CPSF2: variants seen among roughly 807,000 people sequenced by gnomAD.
The protein encoded by CPSF2 is cleavage and polyadenylation specificity factor subunit 2.
Under a neutral mutation model 84.2 loss-of-function variants are expected in CPSF2, and 51 were observed. That is an observed-to-expected ratio of 0.61 (90% CI 0.48 to 0.77). CPSF2 has a LOEUF of 0.77. Ranked by LOEUF, CPSF2 falls within the 30% of genes least tolerant of loss-of-function variation. The pLI, the probability that CPSF2 is intolerant of heterozygous loss-of-function variation, is 0.00. For missense variants in CPSF2, 641 were observed against 929.4 expected (o/e 0.69, Z 4.03); for synonymous variants, 286 against 311.9 (o/e 0.92, Z 0.87).
rs2069462933 is a variant in CPSF2 at position 92,167,388 on chromosome 14, A to G, written c.*5644A>G. 6.6e-6 allele frequency: 1 copy of G among 152,156 alleles called. No individual in the cohort carries two copies. The highest frequency in any genetic ancestry group is 2.1e-4 in the South Asian group (1 of 4,830). The allele number at this position is 152,156 out of a possible 1,614,324, so 9.4% of individuals were successfully genotyped here. On this transcript the variant is annotated 3_prime_UTR_variant, in exon 16 of 16. Coordinates refer to ENST00000298875, the MANE Select transcript of CPSF2 (RefSeq NM_017437.3). ...AGGTAAAAAGCAGTTGACATTTATA[A>G]CTTAGAGTCTTTTAATGTTAGTGCT...
Position 92,169,840 on chromosome 14 carries a change from A to G in CPSF2, c.*8096A>G, listed in dbSNP as rs571241194. The stretch of plus-strand genomic sequence containing the variant: ...GTTAAGTAGAGATTTTTCTAATAGT[A>G]TAAAAATCAGTGTAGGCCCAGCACA... On this transcript the variant is annotated 3_prime_UTR_variant, in exon 16 of 16. Coordinates refer to ENST00000298875, the MANE Select transcript of CPSF2 (RefSeq NM_017437.3). 1.3e-5 allele frequency: 2 copies of G among 152,276 alleles called. No homozygotes were observed. The highest frequency in any genetic ancestry group is 4.8e-5 in the African/African-American group (2 of 41,568). 9.4% of individuals were successfully genotyped at this position (152,276 alleles called of 1,614,324 possible). A position where few individuals can be genotyped will look rare whatever the true frequency, so the allele number is the denominator to read the frequency against.
At position 92,167,656 on chromosome 14, in the gene CPSF2, T is replaced by C. The variant is rs997953371; in HGVS notation, c.*5912T>C. The C allele has an allele frequency of 6.6e-6, 1 of 152,210 alleles. No individual in the cohort carries two copies. The highest frequency in any genetic ancestry group is 2.4e-5 in the African/African-American group (1 of 41,468). The allele number at this position is 152,210 out of a possible 1,614,324, so 9.4% of individuals were successfully genotyped here. On this transcript the variant is annotated 3_prime_UTR_variant, in exon 16 of 16. Coordinates refer to ENST00000298875, the MANE Select transcript of CPSF2 (RefSeq NM_017437.3). ...GTTTATCTTCTCTAAGAATGGCAGCTGTTATTTAGGACAGTGGCATGCTGA... is the reference window on the plus strand; with the variant it reads ...GTTTATCTTCTCTAAGAATGGCAGCCGTTATTTAGGACAGTGGCATGCTGA...
At position 92,166,330 on chromosome 14, in the gene CPSF2, T is replaced by G. The variant is rs2069447064; in HGVS notation, c.*4586T>G. 1 of 152,134 alleles carries G rather than the reference T, an allele frequency of 6.6e-6. No homozygotes were observed. The highest frequency in any genetic ancestry group is 2.4e-5 in the African/African-American group (1 of 41,432). The allele number at this position is 152,134 out of a possible 1,614,324, so 9.4% of individuals were successfully genotyped here. On this transcript the variant is annotated 3_prime_UTR_variant, in exon 16 of 16. Coordinates refer to ENST00000298875, the MANE Select transcript of CPSF2 (RefSeq NM_017437.3). ...CTCTTATCATTAGGTCTTTCATTTA[T>G]TTTGAATTATTATCATTATTATTAT...
rs1363631107 is a variant in CPSF2 at position 92,167,589 on chromosome 14, T to C, written c.*5845T>C. Reference sequence around the variant, plus strand: ...CTTCTACACTGCATTATTGCTTTGGTTCCCTAGTGTACATTCACTTTGCTT... The same window carrying C: ...CTTCTACACTGCATTATTGCTTTGGCTCCCTAGTGTACATTCACTTTGCTT... On this transcript the variant is annotated 3_prime_UTR_variant, in exon 16 of 16. Coordinates refer to ENST00000298875, the MANE Select transcript of CPSF2 (RefSeq NM_017437.3). The C allele has an allele frequency of 6.6e-6, 1 of 152,068 alleles. No homozygotes were observed. Among genetic ancestry groups the C allele is most frequent in the African/African-American group, 2.4e-5 (1 of 41,458 alleles). The allele number at this position is 152,068 out of a possible 1,614,324, so 9.4% of individuals were successfully genotyped here.
chr14:92,132,598 C>T (rs1595052072), intron 3 of CPSF2, among the ~76,000 whole-genome samples: 2 of 144,844 alleles, frequency 1.4e-5, no homozygotes, highest in Middle Eastern at 4.1e-3. Flanking sequence ...ATGGTGAAAC[C>T]CCATCTCTAC....
At chr14:92,158,180 T>A (rs2069316262) in intron 13 of CPSF2, among the ~76,000 whole-genome samples, 1 of 152,068 alleles carries the variant, frequency 6.6e-6, no homozygotes, top group Non-Finnish European at 1.5e-5. Context: ...GATGTTTAGA[T>A]GGGTTGTCAG....
intron 5 of CPSF2, among the ~76,000 whole-genome samples, chr14:92,134,820 A>G (rs1392552024): frequency 6.6e-6 from 1 of 152,214 alleles, no homozygotes; most frequent in Non-Finnish European, 1.5e-5. Flanking sequence ...TATCATCTAC[A>G]GAGATAATTG....
At position 92,171,596 on chromosome 14, in the gene CPSF2, G is replaced by A. The variant is rs2069517561; in HGVS notation, c.*9852G>A. On this transcript the variant is annotated 3_prime_UTR_variant, in exon 16 of 16. Transcript: ENST00000298875. ...CTCCAAAGAGTCCTGGTTCATATTAGTGGAGAATGGTATTTAAAACCAAGA... is the reference window on the plus strand; with the variant it reads ...CTCCAAAGAGTCCTGGTTCATATTAATGGAGAATGGTATTTAAAACCAAGA... 1 of 152,102 alleles carries A rather than the reference G, an allele frequency of 6.6e-6. No individual in the cohort carries two copies. Among genetic ancestry groups the A allele is most frequent in the South Asian group, 2.1e-4 (1 of 4,820 alleles). 9.4% of individuals were successfully genotyped at this position (152,102 alleles called of 1,614,324 possible). A position where few individuals can be genotyped will look rare whatever the true frequency, so the allele number is the denominator to read the frequency against.
Position 92,161,751 on chromosome 14 carries a change from T to C in CPSF2, c.*7T>C, listed in dbSNP as rs1464566083. The C allele has an allele frequency of 1.3e-6, 2 of 1,481,738 alleles. No homozygotes were observed. Among genetic ancestry groups the C allele is most frequent in the Non-Finnish European group, 1.8e-6 (2 of 1,086,754 alleles). The allele number at this position is 1,481,738 out of a possible 1,614,324, so 91.8% of individuals were successfully genotyped here. A position where few individuals can be genotyped will look rare whatever the true frequency, so the allele number is the denominator to read the frequency against. On this transcript the variant is annotated 3_prime_UTR_variant, in exon 16 of 16. Coordinates refer to ENST00000298875, the MANE Select transcript of CPSF2 (RefSeq NM_017437.3). ...ACAATATGCCATTGTATAAAGGACA[T>C]GATGTCAAGAAGTATCTGCTTGACC...
At position 92,130,223 on chromosome 14, in the gene CPSF2, C is replaced by A. The variant is rs2068898722; in HGVS notation, c.-34-728C>A. Among the ~76,000 whole-genome samples, 4 of 152,170 alleles carry A rather than the reference C, an allele frequency of 2.6e-5. No individual in the cohort carries two copies. In the South Asian group the frequency reaches 8.3e-4, roughly 32 times the overall value. ...ATGCAAGGGTTCTTAATGTTAAACTCCCTGAAAAGTTTGTGAATTTCTACG... is the reference window on the plus strand; with the variant it reads ...ATGCAAGGGTTCTTAATGTTAAACTACCTGAAAAGTTTGTGAATTTCTACG... On this transcript the variant is annotated intron_variant, in intron 2 of 15. Transcript: ENST00000298875.
chr14:92,148,426 A>G (rs2069169792), intron 9 of CPSF2, among the ~76,000 whole-genome samples: 1 of 152,212 alleles, frequency 6.6e-6, no homozygotes, highest in Non-Finnish European at 1.5e-5. Context: ...CAGGAAATCA[A>G]CATTGATACC....
chr14:92,161,260 C>T lies in CPSF2; in HGVS notation c.2256+14C>T. Reference sequence around the variant, plus strand: ...GCAGTCCGCAGAGTAAGTGTGTTTTCAATAAGGGCTGAATTGAACACATAC... The same window carrying T: ...GCAGTCCGCAGAGTAAGTGTGTTTTTAATAAGGGCTGAATTGAACACATAC... On this transcript the variant is annotated intron_variant, in intron 15 of 15. Coordinates refer to ENST00000298875, the MANE Select transcript of CPSF2 (RefSeq NM_017437.3). The T allele has an allele frequency of 3.1e-6, 5 of 1,604,130 alleles. No individual in the cohort carries two copies. Among genetic ancestry groups the T allele is most frequent in the Non-Finnish European group, 4.2e-6 (5 of 1,176,918 alleles).
chr14:92,170,447 T>C lies in CPSF2; in HGVS notation c.*8703T>C, dbSNP rs1371000637. ...TCCTACATAACCACAGTACTTAAAA[T>C]CAGGAAACCAGCATTGATAAAATTC... On this transcript the variant is annotated 3_prime_UTR_variant, in exon 16 of 16. Coordinates refer to ENST00000298875, the MANE Select transcript of CPSF2 (RefSeq NM_017437.3). 2 of 152,190 alleles carry C rather than the reference T, an allele frequency of 1.3e-5. No individual in the cohort carries two copies. The highest frequency in any genetic ancestry group is 2.9e-5 in the Non-Finnish European group (2 of 68,034). 9.4% of individuals were successfully genotyped at this position (152,190 alleles called of 1,614,324 possible).
rs187443587 is a variant in CPSF2, at chr14:92,131,246, G to A, written c.149+113G>A. On this transcript the variant is annotated intron_variant, in intron 3 of 15. Coordinates refer to ENST00000298875, the MANE Select transcript of CPSF2 (RefSeq NM_017437.3). ...CTTTTTACACTAGTTTATAGCAAAA[G>A]GCTTAATTTTACTTATGCCAAAAAC... 10 of 776,986 alleles carry A rather than the reference G, an allele frequency of 1.3e-5. No homozygotes were observed. The East Asian group carries it at 1.8e-4, about 14-fold the overall frequency. The allele number at this position is 776,986 out of a possible 1,614,324, so 48.1% of individuals were successfully genotyped here.
chr14:92,157,985 G>C lies in CPSF2; in HGVS notation c.1821+101G>C. 1.3e-6 allele frequency: 1 copy of C among 797,142 alleles called. No homozygotes were observed. Among genetic ancestry groups the C allele is most frequent in the Non-Finnish European group, 2.1e-6 (1 of 471,670 alleles). The allele number at this position is 797,142 out of a possible 1,614,324, so 49.4% of individuals were successfully genotyped here. The stretch of plus-strand genomic sequence containing the variant: ...TACCGAGATGTGTGAGACAGACATG[G>C]ATGGTCTCCTGCCCTAGCAGACCTC... On this transcript the variant is annotated intron_variant, in intron 13 of 15. Transcript: ENST00000298875. This position sits in a 1 kb window ranked among gnomAD's most constrained non-coding sequence, Gnocchi z 4.0.
In CPSF2 at chr14:92,135,507, C is replaced by T; in HGVS notation, c.545+11C>T. ...CCACAAGAGGGAGATGTAGGTATAT[C>T]AAGAGAAAAGCTAAAGGCAATGCAA... On this transcript the variant is annotated intron_variant, in intron 6 of 15. Coordinates refer to ENST00000298875, the MANE Select transcript of CPSF2 (RefSeq NM_017437.3). 6.2e-7 allele frequency: 1 copy of T among 1,604,028 alleles called. No homozygotes were observed. The highest frequency in any genetic ancestry group is 8.5e-7 in the Non-Finnish European group (1 of 1,175,774).
At position 92,134,349 on chromosome 14, in the gene CPSF2, T is replaced by C. The variant is rs2141456877; in HGVS notation, c.409T>C (p.Leu137=). Residue 137 remains leucine, a synonymous_variant, in exon 5 of 16, where the codon TTG becomes CTG. Coordinates refer to ENST00000298875, the MANE Select transcript of CPSF2 (RefSeq NM_017437.3). ...QQLKFSQIVN[L]KGKGHGLSIT... ...GCTAAAATTCTCTCAGATTGTGAAT[T>C]TGAAAGGTAAAAAGAATTTCCAGTA... 6.2e-7 allele frequency: 1 copy of C among 1,605,588 alleles called. No homozygotes were observed. The highest frequency in any genetic ancestry group is 2.2e-5 in the East Asian group (1 of 44,822).
At chr14:92,152,167 T>C (rs2069228345) in intron 9 of CPSF2, among the ~76,000 whole-genome samples, 1 of 152,110 alleles carries the variant, frequency 6.6e-6, no homozygotes, top group Admixed American at 6.5e-5. Flanking sequence ...TTCGCTCTTG[T>C]TGCCCAGGCT....
rs188193916 is a variant in CPSF2 at position 92,169,527 on chromosome 14, A to G, written c.*7783A>G. On this transcript the variant is annotated 3_prime_UTR_variant, in exon 16 of 16. Coordinates refer to ENST00000298875, the MANE Select transcript of CPSF2 (RefSeq NM_017437.3). ...TAATTTCCAACTTCACCCATAGGTCATGGTATAGTTGAAATTTCATATTTA... is the reference window on the plus strand; with the variant it reads ...TAATTTCCAACTTCACCCATAGGTCGTGGTATAGTTGAAATTTCATATTTA... 6.6e-6 allele frequency: 1 copy of G among 152,178 alleles called. No homozygotes were observed. The highest frequency in any genetic ancestry group is 6.5e-5 in the Admixed American group (1 of 15,268). The allele number at this position is 152,178 out of a possible 1,614,324, so 9.4% of individuals were successfully genotyped here.
Sources: allele counts gnomAD v4.1 joint callset (sites outside exome capture counted in the v4.1 genomes callset), GRCh38; gene constraint gnomAD v4.1.1; non-coding constraint Gnocchi (gnomAD v3.1); transcripts MANE v1.5; gene names NCBI Gene and HGNC (gene_info 2026-07-23, HGNC 2026-07-21).